NKAIN2: variants seen among roughly 807,000 people sequenced by gnomAD.
The protein encoded by NKAIN2 is sodium/potassium-transporting ATPase subunit beta-1-interacting protein 2.
In NKAIN2, 14 loss-of-function variants were observed where a neutral mutation model predicts 32.6. That is an observed-to-expected ratio of 0.43 (90% CI 0.28 to 0.67). The LOEUF (loss-of-function observed/expected upper bound fraction) is 0.67. Ranked by LOEUF, NKAIN2 falls within the 30% of genes least tolerant of loss-of-function variation. The pLI is 0.17. For missense variants in NKAIN2, 198 were observed against 258.3 expected (o/e 0.77, Z 1.60); for synonymous variants, 80 against 87.2 (o/e 0.92, Z 0.46).
intron 1 of NKAIN2, among the ~76,000 whole-genome samples, chr6:123,831,661 GT>G (rs1218615791): frequency 6.5e-5 from 8 of 123,210 alleles, no homozygotes; most frequent in South Asian, 2.7e-4. Context: ...TTTTTTTTTT[GT>G]TTTTTTTTTT....
At chr6:124,141,739 T>C (rs1374710127) in intron 1 of NKAIN2, among the ~76,000 whole-genome samples, 1 of 152,112 alleles carries the variant, frequency 6.6e-6, no homozygotes, top group Non-Finnish European at 1.5e-5. Context: ...CAGATCAATA[T>C]TGGTTCCCTT....
rs147575636 is a variant in NKAIN2 at position 123,983,976 on chromosome 6, C to T, written c.54+179722C>T. 2.6e-3 allele frequency among the ~76,000 whole-genome samples: 394 copies of T among 152,220 alleles called. 9 individuals are homozygous for T. In the East Asian group the frequency reaches 0.061, roughly 24 times the overall value. ...AGGCTAGAGTACAATGGCACAATCT[C>T]GGCTCACTGCAACATCCACCTCCCA... On this transcript the variant is annotated intron_variant, in intron 1 of 6. Transcript: ENST00000368417.
At chr6:124,304,182 A>G (rs1796417570) in intron 2 of NKAIN2, among the ~76,000 whole-genome samples, 1 of 152,176 alleles carries the variant, frequency 6.6e-6, no homozygotes, top group Non-Finnish European at 1.5e-5. Flanking sequence ...CAGTATTTAG[A>G]TCAGAGTCAG....
chr6:124,786,264 G>A (rs1582521973), intron 4 of NKAIN2, among the ~76,000 whole-genome samples: 1 of 152,082 alleles, frequency 6.6e-6, no homozygotes. Flanking sequence ...GCCATAGCTG[G>A]TCTGCCTCAA....
chr6:123,940,268 C>A (rs1015833333), intron 1 of NKAIN2, among the ~76,000 whole-genome samples: 8 of 151,674 alleles, frequency 5.3e-5, no homozygotes, highest in African/African-American at 1.9e-4. Context: ...TCTGAATGCC[C>A]TACACTTACA....
intron 3 of NKAIN2, among the ~76,000 whole-genome samples, chr6:124,553,295 C>T (rs1780357770): frequency 6.6e-6 from 1 of 151,990 alleles, no homozygotes; most frequent in South Asian, 2.1e-4. Context: ...CAAACGTATA[C>T]AGGATTTTTA....
chr6:124,795,029 A>C (rs1779936239), intron 5 of NKAIN2: 1 of 157,174 alleles, frequency 6.4e-6, no homozygotes, highest in Non-Finnish European at 1.4e-5. Context: ...GTAAACACTG[A>C]GAGGGTCTCT....
chr6:123,817,853 A>G (rs1773759645), intron 1 of NKAIN2, among the ~76,000 whole-genome samples: 1 of 152,186 alleles, frequency 6.6e-6, no homozygotes, highest in East Asian at 1.9e-4. Flanking sequence ...GGGGTGCTGA[A>G]TAAGCATTTG....
At chr6:124,495,510 A>G (rs1778029990) in intron 3 of NKAIN2, among the ~76,000 whole-genome samples, 1 of 152,058 alleles carries the variant, frequency 6.6e-6, no homozygotes, top group African/African-American at 2.4e-5. Flanking sequence ...CTCACTGAGC[A>G]AATAGGGAGT....
intron 1 of NKAIN2, among the ~76,000 whole-genome samples, chr6:124,217,534 G>C (rs1337267344): frequency 6.6e-6 from 1 of 151,898 alleles, no homozygotes; most frequent in Admixed American, 6.6e-5. Flanking sequence ...TTATGTCATT[G>C]ATACAAAGCA....
At chr6:123,815,744 A>G (rs1366326939) in intron 1 of NKAIN2, among the ~76,000 whole-genome samples, 1 of 152,134 alleles carries the variant, frequency 6.6e-6, no homozygotes, top group African/African-American at 2.4e-5. Flanking sequence ...AACATTTAAG[A>G]GATTATATAC....
intron 3 of NKAIN2, among the ~76,000 whole-genome samples, chr6:124,364,706 C>G (rs1799444329): frequency 6.6e-6 from 1 of 151,500 alleles, no homozygotes; most frequent in Admixed American, 6.6e-5. Flanking sequence ...TAATTACTAG[C>G]AAACTTTAAC....
chr6:124,375,041 T>A (rs1416460365), intron 3 of NKAIN2, among the ~76,000 whole-genome samples: 1 of 152,134 alleles, frequency 6.6e-6, no homozygotes, highest in East Asian at 1.9e-4. Flanking sequence ...TTCTCTCACT[T>A]CATTTTTTGG....
intron 3 of NKAIN2, among the ~76,000 whole-genome samples, chr6:124,437,030 T>A (rs1476601108): frequency 6.6e-6 from 1 of 152,174 alleles, no homozygotes; most frequent in Non-Finnish European, 1.5e-5. Flanking sequence ...GTCCTTCGAA[T>A]GCCTTTCCTC....
At chr6:124,551,488 C>T (rs934046808) in intron 3 of NKAIN2, among the ~76,000 whole-genome samples, 2 of 152,060 alleles carry the variant, frequency 1.3e-5, no homozygotes, top group Non-Finnish European at 2.9e-5. Context: ...TTTCTCTCAT[C>T]GCCCTTCTTT....
At chr6:124,540,250 G>A (rs1278620034) in intron 3 of NKAIN2, among the ~76,000 whole-genome samples, 4 of 152,102 alleles carry the variant, frequency 2.6e-5, no homozygotes, top group South Asian at 4.2e-4. Flanking sequence ...CTATGACAAG[G>A]CAACTTCCTC....
At chr6:124,648,614 G>A (rs1387689764) in intron 3 of NKAIN2, among the ~76,000 whole-genome samples, 1 of 152,138 alleles carries the variant, frequency 6.6e-6, no homozygotes, top group Non-Finnish European at 1.5e-5. Flanking sequence ...TTCATGGAGT[G>A]TGATGGAAGC....
chr6:124,686,562 C>T (rs977310101), intron 4 of NKAIN2, among the ~76,000 whole-genome samples: 2 of 152,128 alleles, frequency 1.3e-5, no homozygotes, highest in Non-Finnish European at 2.9e-5. Flanking sequence ...AAAACCACCA[C>T]CATGATCCAA....
chr6:124,675,421 GT>G (rs1342729219), intron 4 of NKAIN2, among the ~76,000 whole-genome samples: 4 of 152,080 alleles, frequency 2.6e-5, no homozygotes, highest in African/African-American at 9.7e-5. Context: ...GAGCTTGTAA[GT>G]GTTCTCTCTT....
Sources: allele counts gnomAD v4.1 joint callset (sites outside exome capture counted in the v4.1 genomes callset), GRCh38; gene constraint gnomAD v4.1.1; transcripts MANE v1.5; gene names NCBI Gene and HGNC (gene_info 2026-07-23, HGNC 2026-07-21).